ITPRID2: variants seen among roughly 807,000 people sequenced by gnomAD.
ITPRID2 encodes protein ITPRID2.
A neutral mutation model predicts 124.3 loss-of-function variants in ITPRID2; 60 were observed. The observed-to-expected ratio is 0.48, with a 90% CI of 0.39 to 0.60. ITPRID2 has a LOEUF of 0.60. Ranked by LOEUF, ITPRID2 falls within the 20% of genes least tolerant of loss-of-function variation. The pLI, the probability that ITPRID2 is intolerant of heterozygous loss-of-function variation, is 0.00. For synonymous variants in ITPRID2, 521 were observed against 542.9 expected, an observed-to-expected ratio of 0.96 and a Z score of 0.56; for missense variants, 1,553 against 1,512.2, an observed-to-expected ratio of 1.03 and a Z score of -0.45.
intron 17 of ITPRID2, among the ~76,000 whole-genome samples, chr2:181,929,162 A>T (rs949405473): frequency 6.6e-6 from 1 of 151,714 alleles, no homozygotes; most frequent in Admixed American, 6.6e-5. Context: ...GCCTCAAGCG[A>T]TCCTCCTGCT....
intron 10 of ITPRID2, among the ~76,000 whole-genome samples, 169 bp downstream of exon 10, chr2:181,914,102 A>T (rs1215290033): frequency 6.6e-6 from 1 of 152,208 alleles, no homozygotes; most frequent in Admixed American, 6.5e-5. Flanking sequence ...TAAATTTTAG[A>T]TTTCATTAAT....
intron 14 of ITPRID2, 120 bp from the exon 15 acceptor site, chr2:181,920,477 A>G (rs1183083007): frequency 7.6e-6 from 5 of 658,586 alleles, no homozygotes; most frequent in East Asian, 3.2e-5. Context: ...TAATTAGCCA[A>G]TTAATTTTAT....
chr2:181,891,967 C>A lies in ITPRID2; in HGVS notation c.-100C>A. The A allele has an allele frequency of 1.9e-6, 2 of 1,034,948 alleles. No homozygotes were observed. Among genetic ancestry groups the A allele is most frequent in the Non-Finnish European group, 2.6e-6 (2 of 775,508 alleles). 64.1% of individuals were successfully genotyped at this position (1,034,948 alleles called of 1,614,324 possible). On this transcript the variant is annotated 5_prime_UTR_variant, in exon 1 of 18. Coordinates refer to ENST00000431877, the MANE Select transcript of ITPRID2 (RefSeq NM_001130445.3). The stretch of plus-strand genomic sequence containing the variant: ...CGGCGCCCGCTTCAGCTCCCCGGGG[C>A]CCCCTGCCCGGCCGGGCGCTGACAG...
intron 11 of ITPRID2, 94 bp from the exon 12 acceptor site, chr2:181,918,504 T>A (rs999389893): frequency 3.9e-6 from 6 of 1,543,150 alleles, no homozygotes; most frequent in Non-Finnish European, 5.2e-6. Flanking sequence ...AAGAGAAAAA[T>A]ATATAGGCCC....
Position 181,910,072 on chromosome 2 carries a change from GA to G in ITPRID2, c.1486+105del. 1 of 840,926 alleles carries G rather than the reference GA, an allele frequency of 1.2e-6. No individual in the cohort carries two copies. 52.1% of individuals were successfully genotyped at this position (840,926 alleles called of 1,614,324 possible). ...CAGTATTTGTAGTATTTATGAGTGT[GA>G]AAAGGCAAAGAACACACACAGGTAG... On this transcript the variant is annotated intron_variant, in intron 9 of 17. Coordinates refer to ENST00000431877, the MANE Select transcript of ITPRID2 (RefSeq NM_001130445.3). The surrounding 1 kb of genome is among the most constrained non-coding windows in gnomAD (Gnocchi z 4.1).
intron 4 of ITPRID2, 93 bp from the exon 5 acceptor site, chr2:181,898,787 A>G (rs1030656703): frequency 2.2e-6 from 2 of 906,126 alleles, no homozygotes; most frequent in East Asian, 4.8e-5. Context: ...TTTAATTCTA[A>G]TATTGTAGGT....
chr2:181,896,958 G>A lies in ITPRID2; in HGVS notation c.358G>A (p.Ala120Thr), dbSNP rs1558978600. Residue 120 changes from alanine to threonine, a missense_variant, in exon 4 of 18, where the codon GCT (alanine) becomes ACT (threonine). Physicochemically the swap from Ala to Thr is moderately conservative, Grantham distance 58. Coordinates refer to ENST00000431877, the MANE Select transcript of ITPRID2 (RefSeq NM_001130445.3). The surrounding 1 kb of genome is among the most constrained non-coding windows in gnomAD (Gnocchi z 4.3). Reference sequence around the variant, plus strand: ...TTTTGAAGATGATTTGTCATTGGGAGCTGAAGGTATGTTTGTTTGGAAGAA... The same window carrying A: ...TTTTGAAGATGATTTGTCATTGGGAACTGAAGGTATGTTTGTTTGGAAGAA... ...GSFEDDLSLG[A>T]EANHLHESDA... The A allele has an allele frequency of 6.2e-7, 1 of 1,612,070 alleles. No individual in the cohort carries two copies. Among genetic ancestry groups the A allele is most frequent in the Non-Finnish European group, 8.5e-7 (1 of 1,178,420 alleles).
intron 11 of ITPRID2, 87 bp downstream of exon 11, chr2:181,916,514 G>C: frequency 6.9e-7 from 1 of 1,443,110 alleles, no homozygotes; most frequent in Non-Finnish European, 9.3e-7. Context: ...GGCACATCAA[G>C]TATGAACTAC....
At chr2:181,925,569 T>C (rs569110829) in intron 16 of ITPRID2, among the ~76,000 whole-genome samples, 1 of 152,352 alleles carries the variant, frequency 6.6e-6, no homozygotes, top group African/African-American at 2.4e-5. Context: ...GTGTCTGATA[T>C]TGTCTCTCAC....
At chr2:181,913,400 A>C (rs115436386) in intron 9 of ITPRID2, among the ~76,000 whole-genome samples, 288 of 152,268 alleles carry the variant, frequency 1.9e-3, no homozygotes, top group African/African-American at 6.4e-3. Context: ...AAGATAATAG[A>C]AATCTTTACA....
chr2:181,898,923 T>C lies in ITPRID2; in HGVS notation c.404+4T>C. On this transcript the variant is annotated splice_donor_region_variant and intron_variant, in intron 5 of 17. Coordinates refer to ENST00000431877, the MANE Select transcript of ITPRID2 (RefSeq NM_001130445.3). The stretch of plus-strand genomic sequence containing the variant: ...GTGATGCTCAAATTGAAAACTGGTA[T>C]GTAGCTGTTTTGTTCTATTTCTTTT... 1 of 1,609,812 alleles carries C rather than the reference T, an allele frequency of 6.2e-7. No homozygotes were observed. Among genetic ancestry groups the C allele is most frequent in the Non-Finnish European group, 8.5e-7 (1 of 1,176,322 alleles).
intron 7 of ITPRID2, 65 bp from the exon 8 acceptor site, chr2:181,901,701 A>G (rs1692679230): frequency 3.6e-6 from 4 of 1,117,332 alleles, no homozygotes; most frequent in African/African-American, 1.6e-5. Flanking sequence ...AATAATATGC[A>G]TTTAATATAT....
rs944029936 is a variant in ITPRID2 at position 181,910,879 on chromosome 2, T to G, written c.1486+908T>G. ...TAGACTCAAAATTGAACTTTACTAT[T>G]TAATTTTCTTCCCCTTGTAAGTTCA... On this transcript the variant is annotated intron_variant, in intron 9 of 17. Coordinates refer to ENST00000431877, the MANE Select transcript of ITPRID2 (RefSeq NM_001130445.3). The surrounding 1 kb of genome is among the most constrained non-coding windows in gnomAD (Gnocchi z 4.1). Among the ~76,000 whole-genome samples the G allele has an allele frequency of 1.2e-4, 18 of 152,322 alleles. No homozygotes were observed. The highest frequency in any genetic ancestry group is 2.0e-4 in the Admixed American group (3 of 15,304).
chr2:181,901,738 A>T, intron 7 of ITPRID2, 28 bp from the exon 8 acceptor site: 1 of 1,476,594 alleles, frequency 6.8e-7, no homozygotes, highest in Non-Finnish European at 9.2e-7. Flanking sequence ...AAATATAAAC[A>T]TATCATTAAT....
chr2:181,911,432 CA>C (rs1264694288), intron 9 of ITPRID2, among the ~76,000 whole-genome samples: 3 of 152,130 alleles, frequency 2.0e-5, no homozygotes, highest in Non-Finnish European at 4.4e-5. Context: ...TACAAGTTAG[CA>C]TTCGGTAGTT....
chr2:181,913,253 C>T (rs1693760307), intron 9 of ITPRID2, among the ~76,000 whole-genome samples: 1 of 152,030 alleles, frequency 6.6e-6, no homozygotes, highest in East Asian at 1.9e-4. Flanking sequence ...ATTTTTAGTA[C>T]AGACGGGCTT....
rs1694039263 is a variant in ITPRID2, at chr2:181,916,261, CAG to C, written c.2622_2623del (p.Ala876TyrfsTer3). 1 of 1,614,202 alleles carries C rather than the reference CAG, an allele frequency of 6.2e-7. No individual in the cohort carries two copies. The highest frequency in any genetic ancestry group is 1.1e-5 in the South Asian group (1 of 91,088). On this transcript the variant is annotated frameshift_variant, in exon 11 of 18. Coordinates refer to ENST00000431877, the MANE Select transcript of ITPRID2 (RefSeq NM_001130445.3). LOFTEE classifies it high-confidence loss of function. The stretch of plus-strand genomic sequence containing the variant: ...AGCACTCACAGTGTTCCCAACATAT[CAG>C]GGGCTACTTGTAGTGCCTTCGCTTC...
chr2:181,906,753 A>AAAAG (rs111890555), intron 8 of ITPRID2, among the ~76,000 whole-genome samples: 8,192 of 146,730 alleles, frequency 0.056, 333 homozygotes, highest in African/African-American at 0.11. Context: ...AAATGAAATA[A>AAAAG]AAAAAAAAAA....
At chr2:181,928,593 T>C (rs1297355748) in intron 17 of ITPRID2, among the ~76,000 whole-genome samples, 1 of 152,140 alleles carries the variant, frequency 6.6e-6, no homozygotes, top group Non-Finnish European at 1.5e-5. Context: ...ATGTATAGTT[T>C]TAAAGAACAA....
Sources: allele counts gnomAD v4.1 joint callset (sites outside exome capture counted in the v4.1 genomes callset), GRCh38; gene constraint gnomAD v4.1.1; non-coding constraint Gnocchi (gnomAD v3.1); transcripts MANE v1.5; gene names NCBI Gene and HGNC (gene_info 2026-07-23, HGNC 2026-07-21).